The following PPARGC1A variants were observed in gnomAD, a reference collection of about 807,000 sequenced individuals.
PPARGC1A encodes the protein PPARG coactivator 1 alpha.
A neutral mutation model predicts 88.7 loss-of-function variants in PPARGC1A; 25 were observed. The ratio of observed to expected loss-of-function variants is 0.28; its 90% CI spans 0.21 to 0.39. The LOEUF (loss-of-function observed/expected upper bound fraction) is 0.39, where lower values mean the gene tolerates loss of function less well. PPARGC1A is among the 10% of genes least tolerant of loss of function. The probability of loss-of-function intolerance (pLI) is 1.00; values close to 1 mark genes in which losing one functional copy is unlikely to be tolerated. For synonymous variants in PPARGC1A, 363 were observed against 355.6 expected (o/e 1.02, Z -0.24); for missense variants, 880 against 968.7 (o/e 0.91, Z 1.22).
At chr4:24,016,134 T>C in the PPARGC1A span, among the ~76,000 whole-genome samples, 7 of 152,230 alleles carry the variant, frequency 4.6e-5, no homozygotes, top group African/African-American at 1.7e-4. Flanking sequence ...GGAAACAGTT[T>C]GTAAATGCTC....
the PPARGC1A span, among the ~76,000 whole-genome samples, chr4:24,084,878 G>A: frequency 6.6e-6 from 1 of 152,110 alleles, no homozygotes; most frequent in Non-Finnish European, 1.5e-5. Flanking sequence ...AAGAAAAACA[G>A]AACTTATTTC....
the PPARGC1A span, among the ~76,000 whole-genome samples, chr4:23,916,112 T>G: frequency 6.6e-6 from 1 of 152,212 alleles, no homozygotes; most frequent in African/African-American, 2.4e-5. Flanking sequence ...GGGAATTAAA[T>G]GAGTTTATGT....
chr4:24,024,051 A>G, the PPARGC1A span, among the ~76,000 whole-genome samples: 3 of 152,204 alleles, frequency 2.0e-5, no homozygotes, highest in African/African-American at 7.2e-5. Flanking sequence ...GGTGTAGTCA[A>G]CAGCTAAAAG....
the PPARGC1A span, among the ~76,000 whole-genome samples, chr4:24,301,241 T>G: frequency 6.6e-6 from 1 of 152,088 alleles, no homozygotes. Context: ...GAAGCACAGG[T>G]TCTTTTTAGA....
At chr4:24,398,937 C>A in the PPARGC1A span, among the ~76,000 whole-genome samples, 2 of 152,138 alleles carry the variant, frequency 1.3e-5, no homozygotes, top group Non-Finnish European at 2.9e-5. Context: ...ATTTTCCCCA[C>A]CCAGAGGTAA....
At chr4:23,838,328 A>C (rs548044522) in intron 2 of PPARGC1A, among the ~76,000 whole-genome samples, 8 of 152,068 alleles carry the variant, frequency 5.3e-5, no homozygotes, top group Non-Finnish European at 1.2e-4. Flanking sequence ...CACCCAACCA[A>C]AAGTGGGCGG....
chr4:24,152,729 AT>A, the PPARGC1A span, among the ~76,000 whole-genome samples: 22 of 152,224 alleles, frequency 1.4e-4, no homozygotes, highest in African/African-American at 2.4e-5. Context: ...TGAGATTCCA[AT>A]CACTGCAAAA....
the PPARGC1A span, among the ~76,000 whole-genome samples, chr4:24,149,402 T>C: frequency 1.5e-4 from 23 of 151,230 alleles, no homozygotes; most frequent in African/African-American, 4.9e-4. Context: ...TCTATGACAA[T>C]CTTCTAATTA....
At chr4:23,923,127 T>A in the PPARGC1A span, among the ~76,000 whole-genome samples, 6 of 151,838 alleles carry the variant, frequency 4.0e-5, no homozygotes, top group Admixed American at 1.3e-4. Context: ...TTTTTTTTTT[T>A]TTTTTTTTTA....
chr4:24,370,531 C>A, the PPARGC1A span, among the ~76,000 whole-genome samples: 1 of 152,108 alleles, frequency 6.6e-6, no homozygotes, highest in Admixed American at 6.6e-5. Flanking sequence ...TTCTTCAGAA[C>A]AATACCCTTA....
At chr4:24,353,017 C>T in the PPARGC1A span, among the ~76,000 whole-genome samples, 2 of 152,120 alleles carry the variant, frequency 1.3e-5, no homozygotes, top group Admixed American at 6.5e-5. Flanking sequence ...TCACCGCCAA[C>T]GTTCTCTCTG....
chr4:24,393,188 A>G, the PPARGC1A span, among the ~76,000 whole-genome samples: 1 of 152,310 alleles, frequency 6.6e-6, no homozygotes, highest in African/African-American at 2.4e-5. Flanking sequence ...CTCAGTAACT[A>G]CTACTTATGC....
the PPARGC1A span, among the ~76,000 whole-genome samples, chr4:24,466,603 T>C: frequency 2.2e-3 from 337 of 152,274 alleles, no homozygotes; most frequent in African/African-American, 7.8e-3. Context: ...GGAACAACAA[T>C]TGATAAATGT....
the PPARGC1A span, among the ~76,000 whole-genome samples, chr4:24,042,881 G>C: frequency 6.6e-6 from 1 of 152,142 alleles, no homozygotes; most frequent in African/African-American, 2.4e-5. Context: ...TTCACATAGA[G>C]TATTAGTAGT....
intron 2 of PPARGC1A, among the ~76,000 whole-genome samples, chr4:23,849,042 G>A (rs551900647): frequency 6.6e-6 from 1 of 152,116 alleles, no homozygotes; most frequent in Admixed American, 6.5e-5. Flanking sequence ...TACTCGGGAG[G>A]CTGAGGCAGG....
chr4:23,890,059 G>T, upstream of PPARGC1A: 1 of 1,560,440 alleles, frequency 6.4e-7, no homozygotes, highest in Non-Finnish European at 8.7e-7. Flanking sequence ...AGAGTGAACT[G>T]AAGGCACCTG....
the PPARGC1A span, among the ~76,000 whole-genome samples, chr4:24,409,951 T>A: frequency 6.6e-6 from 1 of 152,202 alleles, no homozygotes; most frequent in Admixed American, 6.5e-5. Context: ...GGATAATTGA[T>A]AATTCTCCCA....
chr4:24,339,549 C>A, the PPARGC1A span, among the ~76,000 whole-genome samples: 1 of 152,058 alleles, frequency 6.6e-6, no homozygotes, highest in Non-Finnish European at 1.5e-5. Flanking sequence ...TTGTTCCCTG[C>A]GCTCAATTAA....
At chr4:23,835,595 TG>T (rs1725873123) in intron 2 of PPARGC1A, among the ~76,000 whole-genome samples, 1 of 151,974 alleles carries the variant, frequency 6.6e-6, no homozygotes, top group African/African-American at 2.4e-5. Flanking sequence ...CCATTACAAA[TG>T]ATTATTCGAT....
Sources: gnomAD v4.1 joint callset for allele counts (sites outside exome capture counted in the v4.1 genomes callset) on GRCh38, gnomAD v4.1.1 for gene constraint, MANE v1.5 for transcripts, NCBI Gene and HGNC (gene_info 2026-07-23, HGNC 2026-07-21) for gene names.